Variants in CLOCK observed in about 807,000 individuals in gnomAD.
The protein encoded by CLOCK is circadian locomoter output cycles protein kaput.
Under a neutral mutation model 118.4 loss-of-function variants are expected in CLOCK, and 43 were observed. The ratio of observed to expected loss-of-function variants is 0.36; its 90% CI spans 0.28 to 0.47. The LOEUF is 0.47. Ranked by LOEUF, CLOCK falls within the 20% of genes least tolerant of loss-of-function variation. CLOCK has a pLI of 1.00. For synonymous variants in CLOCK, 326 were observed against 339.2 expected (o/e 0.96, Z 0.43); for missense variants, 846 against 999.9 (o/e 0.85, Z 2.08).
chr4:55,471,001 A>G (rs1471059422), intron 7 of CLOCK, among the ~76,000 whole-genome samples, 195 bp from the exon 8 acceptor site: 1 of 152,150 alleles, frequency 6.6e-6, no homozygotes, highest in Non-Finnish European at 1.5e-5. Context: ...CTGGAGAAAA[A>G]AAGTCTCTCT....
intron 1 of CLOCK, among the ~76,000 whole-genome samples, chr4:55,538,770 A>C (rs1160859802): frequency 1.3e-5 from 2 of 152,258 alleles, no homozygotes; most frequent in Non-Finnish European, 2.9e-5. Context: ...AAAATTAGCC[A>C]AGGAAAAATA....
intron 1 of CLOCK, among the ~76,000 whole-genome samples, chr4:55,544,128 A>C (rs912999627): frequency 6.6e-6 from 1 of 151,678 alleles, no homozygotes; most frequent in African/African-American, 2.4e-5. Context: ...AGTCCTAAAA[A>C]AATGTTCATT....
chr4:55,493,373 A>G (rs1164484867), intron 2 of CLOCK, among the ~76,000 whole-genome samples: 1 of 152,212 alleles, frequency 6.6e-6, no homozygotes, highest in Non-Finnish European at 1.5e-5. Context: ...TAATTCTGAT[A>G]CCACAGGTAT....
intron 2 of CLOCK, among the ~76,000 whole-genome samples, chr4:55,498,807 C>A (rs1313296846): frequency 6.6e-6 from 1 of 152,008 alleles, no homozygotes. Flanking sequence ...GTACAAGAAT[C>A]CACCAGCCAG....
chr4:55,476,514 C>A (rs1041008257), intron 6 of CLOCK, among the ~76,000 whole-genome samples: 6 of 152,164 alleles, frequency 3.9e-5, no homozygotes, highest in African/African-American at 1.4e-4. Context: ...TTAGGCCTGC[C>A]TACTGCTGGG....
chr4:55,478,549 A>G (rs181380878), intron 6 of CLOCK, among the ~76,000 whole-genome samples: 1 of 152,288 alleles, frequency 6.6e-6, no homozygotes. Flanking sequence ...TCACATTTGT[A>G]ATTATGTGCT....
intron 1 of CLOCK, among the ~76,000 whole-genome samples, chr4:55,529,974 GAA>G (rs1231735113): frequency 6.6e-6 from 1 of 152,136 alleles, no homozygotes; most frequent in Non-Finnish European, 1.5e-5. Context: ...GAAAACTTGA[GAA>G]AAGAGATAAA....
intron 1 of CLOCK, among the ~76,000 whole-genome samples, chr4:55,512,481 G>A (rs1729225741): frequency 6.6e-6 from 1 of 152,066 alleles, no homozygotes; most frequent in Non-Finnish European, 1.5e-5. Flanking sequence ...TTGGATAAAA[G>A]TCCTTTATCA....
intron 2 of CLOCK, among the ~76,000 whole-genome samples, chr4:55,501,878 T>G (rs967812162): frequency 6.6e-6 from 1 of 152,204 alleles, no homozygotes; most frequent in East Asian, 1.9e-4. Flanking sequence ...CTCCACTCTT[T>G]CGGATTATTT....
At chr4:55,520,710 A>AT (rs1452667855) in intron 1 of CLOCK, among the ~76,000 whole-genome samples, 2 of 152,184 alleles carry the variant, frequency 1.3e-5, no homozygotes, top group Non-Finnish European at 2.9e-5. Context: ...TTTTAGAGGT[A>AT]TTTTAAATAC....
chr4:55,459,285 A>G (rs1226343135), intron 9 of CLOCK, 24 bp from the exon 10 acceptor site: 1 of 1,354,482 alleles, frequency 7.4e-7, no homozygotes, highest in Non-Finnish European at 1.1e-6. Context: ...GATTTTAAAA[A>G]TCACATATTT....
chr4:55,530,288 G>C (rs1730453970), intron 1 of CLOCK, among the ~76,000 whole-genome samples: 3 of 152,134 alleles, frequency 2.0e-5, no homozygotes, highest in Admixed American at 2.0e-4. Context: ...AATAGCATCA[G>C]ACATCTTACC....
At chr4:55,536,622 C>T (rs1730917203) in intron 1 of CLOCK, among the ~76,000 whole-genome samples, 4 of 152,196 alleles carry the variant, frequency 2.6e-5, no homozygotes, top group Admixed American at 2.6e-4. Flanking sequence ...ATGCCGGCAC[C>T]ATGCTTCCTA....
chr4:55,430,387 CAT>C lies in CLOCK; in HGVS notation c.*5026_*5027del, dbSNP rs1453352684. The C allele has an allele frequency of 6.6e-6, 1 of 152,082 alleles. No individual in the cohort carries two copies. The highest frequency in any genetic ancestry group is 1.5e-5 in the Non-Finnish European group (1 of 68,006). The allele number at this position is 152,082 out of a possible 1,614,324, so 9.4% of individuals were successfully genotyped here. A position where few individuals can be genotyped will look rare whatever the true frequency, so the allele number is the denominator to read the frequency against. The stretch of plus-strand genomic sequence containing the variant: ...AAAAACAAGGAATGTAGTGTTATGA[CAT>C]AGGGGGAAAAAACTATGCAAAACAG... On this transcript the variant is annotated 3_prime_UTR_variant, in exon 23 of 23. Transcript: ENST00000513440.
Position 55,529,109 on chromosome 4 carries a change from T to C in CLOCK, c.-290+17673A>G, listed in dbSNP as rs146101514. On this transcript the variant is annotated intron_variant, in intron 1 of 22. Transcript: ENST00000513440. ...TGAACTAACAATAAGGATCCCCAGA[T>C]ATACAAGAAGAAACACCACCTAGAA... 2.6e-3 allele frequency among the ~76,000 whole-genome samples: 396 copies of C among 152,272 alleles called. 3 individuals are homozygous for C. Among genetic ancestry groups the C allele is most frequent in the African/African-American group, 9.1e-3 (379 of 41,546 alleles).
chr4:55,508,221 TTTAAGTAC>T (rs1407818726), intron 2 of CLOCK, among the ~76,000 whole-genome samples: 15 of 152,200 alleles, frequency 9.9e-5, no homozygotes, highest in Non-Finnish European at 1.8e-4. Context: ...CAACTAATCT[TTTAAGTAC>T]TTAAGATGTT....
intron 1 of CLOCK, among the ~76,000 whole-genome samples, chr4:55,535,556 CAAT>C (rs1005947864): frequency 6.6e-6 from 1 of 151,724 alleles, no homozygotes; most frequent in Non-Finnish European, 1.5e-5. Context: ...AAATAAATGA[CAAT>C]AATAATAATA....
At chr4:55,448,659 TC>T in intron 18 of CLOCK, 119 bp downstream of exon 18, 1 of 536,774 alleles carries the variant, frequency 1.9e-6, no homozygotes, top group Non-Finnish European at 3.5e-6. Flanking sequence ...TACCTCAGCC[TC>T]CCAAGTAGCT....
At chr4:55,437,610 T>C (rs571669881) in intron 22 of CLOCK, among the ~76,000 whole-genome samples, 4 of 152,336 alleles carry the variant, frequency 2.6e-5, no homozygotes, top group Admixed American at 1.3e-4. Flanking sequence ...CCTTGTCTTA[T>C]ATTCAGTGAT....
Sources: allele counts gnomAD v4.1 joint callset (sites outside exome capture counted in the v4.1 genomes callset), GRCh38; gene constraint gnomAD v4.1.1; transcripts MANE v1.5; gene names NCBI Gene and HGNC (gene_info 2026-07-23, HGNC 2026-07-21).